The following LCLAT1 variants were observed in gnomAD, a reference collection of about 807,000 sequenced individuals.
LCLAT1 encodes 1-AGP acyltransferase 8.
LCLAT1 carries 11 observed loss-of-function variants against 30.7 expected under a neutral mutation model. The ratio of observed to expected loss-of-function variants is 0.36; its 90% confidence interval spans 0.23 to 0.59. The LOEUF (loss-of-function observed/expected upper bound fraction) is 0.59. Among genes scored for constraint, LCLAT1 ranks in the 20% least tolerant of loss-of-function variants. The pLI is 0.77. For synonymous variants in LCLAT1, 155 were observed against 151.3 expected, an observed-to-expected ratio of 1.02 and a Z score of -0.18; for missense variants, 402 against 458.6, an observed-to-expected ratio of 0.88 and a Z score of 1.13.
chr2:30,542,278 A>G lies in LCLAT1; in HGVS notation c.364+8964A>G, dbSNP rs538140597. ...TTTCTTTGTCTGACCTTGTGTCACAAATATTTTCCCCTCCCAAGAAGTTTA... is the reference window on the plus strand; with the variant it reads ...TTTCTTTGTCTGACCTTGTGTCACAGATATTTTCCCCTCCCAAGAAGTTTA... On this transcript the variant is annotated intron_variant, in intron 3 of 5. Transcript: ENST00000379509. Among the ~76,000 whole-genome samples, 3 of 152,256 alleles carry G rather than the reference A, an allele frequency of 2.0e-5. No individual in the cohort carries two copies. In the East Asian group the frequency reaches 5.8e-4, roughly 29 times the overall value.
chr2:30,571,724 A>G (rs6740440), intron 5 of LCLAT1, among the ~76,000 whole-genome samples: 1 of 152,252 alleles, frequency 6.6e-6, no homozygotes, highest in South Asian at 2.1e-4. Flanking sequence ...TCATGCACTC[A>G]GACCTTTTCA....
At chr2:30,574,792 T>G (rs924971716) in intron 5 of LCLAT1, among the ~76,000 whole-genome samples, 22 of 152,090 alleles carry the variant, frequency 1.4e-4, no homozygotes, top group Non-Finnish European at 2.5e-4. Context: ...CGCTGCAGAG[T>G]CAAGAGCTAT....
chr2:30,557,326 GTA>G (rs1553374022), intron 3 of LCLAT1, among the ~76,000 whole-genome samples: 6 of 146,266 alleles, frequency 4.1e-5, no homozygotes, highest in Middle Eastern at 3.2e-3. Context: ...GTGTGTGTGT[GTA>G]TGACCAGTCT....
chr2:30,624,370 A>G (rs1668407440), intron 5 of LCLAT1, among the ~76,000 whole-genome samples: 1 of 152,196 alleles, frequency 6.6e-6, no homozygotes, highest in Non-Finnish European at 1.5e-5. Flanking sequence ...TGTCTTCAAG[A>G]GACTCACCTA....
intron 5 of LCLAT1, among the ~76,000 whole-genome samples, chr2:30,578,379 A>T (rs1444910143): frequency 6.6e-6 from 1 of 152,144 alleles, no homozygotes; most frequent in Non-Finnish European, 1.5e-5. Flanking sequence ...GTAATAAAGT[A>T]TGTGTGTGCA....
At chr2:30,606,986 GCTC>G (rs1479505202) in intron 5 of LCLAT1, 1 of 152,010 alleles carries the variant, frequency 6.6e-6, no homozygotes, top group Non-Finnish European at 1.5e-5. Flanking sequence ...ATGAAAAAAA[GCTC>G]AACATCACTG....
chr2:30,545,167 A>G (rs1664341381), intron 3 of LCLAT1, among the ~76,000 whole-genome samples: 1 of 152,184 alleles, frequency 6.6e-6, no homozygotes, highest in Non-Finnish European at 1.5e-5. Flanking sequence ...AGCAGCAAAC[A>G]AAACAGCATG....
intron 5 of LCLAT1, among the ~76,000 whole-genome samples, chr2:30,571,057 T>G (rs914240567): frequency 1.4e-4 from 22 of 152,220 alleles, no homozygotes; most frequent in East Asian, 1.9e-4. Flanking sequence ...CTTGAGATCA[T>G]CATATAGATT....
chr2:30,618,407 C>T (rs572742821), intron 5 of LCLAT1, among the ~76,000 whole-genome samples: 2 of 152,178 alleles, frequency 1.3e-5, no homozygotes, highest in Admixed American at 6.5e-5. Context: ...GTATATCTCC[C>T]ATTTATATGG....
At chr2:30,589,914 G>C (rs531474869) in intron 5 of LCLAT1, among the ~76,000 whole-genome samples, 2 of 152,170 alleles carry the variant, frequency 1.3e-5, no homozygotes, top group South Asian at 2.1e-4. Context: ...GTTTGAAAAG[G>C]GTAAATCAAA....
chr2:30,610,392 G>A (rs1033079732), intron 5 of LCLAT1, among the ~76,000 whole-genome samples: 5 of 151,954 alleles, frequency 3.3e-5, no homozygotes, highest in African/African-American at 4.8e-5. Flanking sequence ...CTAAGCTAAC[G>A]CTTTTCATTA....
chr2:30,587,396 A>G (rs2148473922), intron 5 of LCLAT1, among the ~76,000 whole-genome samples: 1 of 152,240 alleles, frequency 6.6e-6, no homozygotes, highest in East Asian at 1.9e-4. Context: ...CAAAGGGATT[A>G]TTTTTGGTAA....
intron 3 of LCLAT1, among the ~76,000 whole-genome samples, chr2:30,556,372 C>G (rs1029400460): frequency 6.6e-6 from 1 of 152,128 alleles, no homozygotes; most frequent in African/African-American, 2.4e-5. Context: ...CCATAGCTTG[C>G]TCCTTTCCAC....
intron 3 of LCLAT1, chr2:30,552,603 T>A (rs1664730939): frequency 2.3e-6 from 1 of 435,828 alleles, no homozygotes; most frequent in African/African-American, 2.0e-5. Flanking sequence ...TCGTGGAAAT[T>A]AATCATCTTA....
rs138268529 is a variant in LCLAT1 at position 30,468,163 on chromosome 2, G to C, written c.-5+20780G>C. Among the ~76,000 whole-genome samples the C allele has an allele frequency of 6.6e-3, 1,009 of 152,270 alleles. 10 individuals are homozygous for C. The highest frequency in any genetic ancestry group is 0.023 in the African/African-American group (958 of 41,544). On this transcript the variant is annotated intron_variant, in intron 1 of 5. Coordinates refer to ENST00000379509, the MANE Select transcript of LCLAT1 (RefSeq NM_001002257.3). ...AGTTTCAGCTTTCTACATATGGCTA[G>C]CCAGTTTTGCCAGCACTAGCACCAT... is the stretch of plus-strand genomic sequence containing the variant.
At chr2:30,483,555 G>A (rs1683418290) in intron 1 of LCLAT1, among the ~76,000 whole-genome samples, 1 of 151,964 alleles carries the variant, frequency 6.6e-6, no homozygotes. Flanking sequence ...CAAGCAAAAG[G>A]GCCTGGCAAA....
chr2:30,595,354 G>A (rs1474906874), intron 5 of LCLAT1, among the ~76,000 whole-genome samples: 2 of 151,946 alleles, frequency 1.3e-5, no homozygotes, highest in African/African-American at 4.8e-5. Context: ...TTAGGCTTTA[G>A]TAATTCATTC....
At chr2:30,473,374 G>A (rs1682893053) in intron 1 of LCLAT1, among the ~76,000 whole-genome samples, 1 of 152,132 alleles carries the variant, frequency 6.6e-6, no homozygotes, top group Admixed American at 6.6e-5. Context: ...GTGTCCTTGG[G>A]ATAAGGAGAG....
Position 30,571,192 on chromosome 2 carries a change from C to G in LCLAT1, c.628+3016C>G, listed in dbSNP as rs77111581. ...AGGAATGAAGGATGTAATCTTTCCA[C>G]TATTACTCTAGGGGGATACAGGGTT... On this transcript the variant is annotated intron_variant, in intron 5 of 5. Transcript: ENST00000379509. Among the ~76,000 whole-genome samples, 1,165 of 152,268 alleles carry G rather than the reference C, an allele frequency of 7.7e-3. 10 individuals carry two copies. Among genetic ancestry groups the G allele is most frequent in the African/African-American group, 0.027 (1,112 of 41,536 alleles).
Sources: gnomAD v4.1 joint callset for allele counts (sites outside exome capture counted in the v4.1 genomes callset) on GRCh38, gnomAD v4.1.1 for gene constraint, MANE v1.5 for transcripts, NCBI Gene and HGNC (gene_info 2026-07-23, HGNC 2026-07-21) for gene names.